Variants in ALMS1 observed in about 807,000 individuals in gnomAD.
ALMS1 encodes centrosome-associated protein ALMS1.
In ALMS1, 271 loss-of-function variants were observed where a neutral mutation model predicts 352.2. The observed-to-expected ratio is 0.77, with a 90% CI of 0.70 to 0.85. ALMS1 has a LOEUF of 0.85. ALMS1 is among the 40% of genes least tolerant of loss of function. ALMS1 has a pLI of 0.00. For missense variants in ALMS1, 5,445 were observed against 4,870.7 expected, an observed-to-expected ratio of 1.12 and a Z score of -3.51; for synonymous variants, 1,865 against 1,761.2, an observed-to-expected ratio of 1.06 and a Z score of -1.48.
intron 10 of ALMS1, among the ~76,000 whole-genome samples, chr2:73,506,869 A>T (rs13401987): frequency 1.1e-3 from 161 of 152,254 alleles, no homozygotes; most frequent in Admixed American, 2.8e-3. Context: ...TTTCAAAGGG[A>T]ATGTTTCCAG....
chr2:73,593,202 A>G (rs2104168550), intron 16 of ALMS1, among the ~76,000 whole-genome samples: 1 of 152,184 alleles, frequency 6.6e-6, no homozygotes, highest in African/African-American at 2.4e-5. Flanking sequence ...AAAAAAAAAA[A>G]AAAAAAGTTC....
In ALMS1 at chr2:73,447,978, G is replaced by A. The variant is rs374663067; in HGVS notation, c.1451G>A (p.Gly484Asp). The change falls in exon 8 of 23, where the codon GGC becomes GAC. Residue 484 changes from glycine to aspartate, a missense_variant. Gly to Asp is a moderately conservative substitution (Grantham distance 94, BLOSUM62 -1). Coordinates refer to ENST00000613296, the MANE Select transcript of ALMS1 (RefSeq NM_001378454.1). ...TCTTTAGGAGACACTTCTAAAGGAG[G>A]CATAGCTAAAGTTACTCAATCCAAC... The part of the protein sequence containing the change: ...HLKAGDTSKG[G>D]IAKVTQSNLK... The A allele has an allele frequency of 4.5e-5, 73 of 1,611,808 alleles. No individual in the cohort carries two copies. The African/African-American group carries it at 8.8e-4, about 20-fold the overall frequency.
At chr2:73,459,934 C>T (rs1280925719) in intron 9 of ALMS1, among the ~76,000 whole-genome samples, 4 of 152,032 alleles carry the variant, frequency 2.6e-5, no homozygotes, top group Middle Eastern at 3.4e-3. Flanking sequence ...TTACACGCAC[C>T]CCCCTCTCCC....
chr2:73,470,825 A>C (rs927834313), intron 9 of ALMS1: 15 of 151,748 alleles, frequency 9.9e-5, no homozygotes, highest in African/African-American at 3.6e-4. Flanking sequence ...ATATCTTCCT[A>C]ATGAATTGAC....
At chr2:73,461,448 C>A (rs1672199653) in intron 9 of ALMS1, among the ~76,000 whole-genome samples, 1 of 152,144 alleles carries the variant, frequency 6.6e-6, no homozygotes, top group Admixed American at 6.6e-5. Flanking sequence ...CACCAAAAAC[C>A]CATCTGTACG....
chr2:73,556,001 C>T (rs1297667614), intron 13 of ALMS1, among the ~76,000 whole-genome samples: 1 of 152,076 alleles, frequency 6.6e-6, no homozygotes, highest in Non-Finnish European at 1.5e-5. Flanking sequence ...ACAAAACATC[C>T]TTGATATTGA....
In ALMS1 at chr2:73,424,875, T is replaced by C; in HGVS notation, c.1210T>C (p.Ser404Pro). The part of the protein sequence containing the change: ...YGQYWTQEDS[S>P]KQAETYLTKG... ...GCAGTATTGGACACAGGAAGATTCA[T>C]CTAAGCAGGCAGAAACATATTTAAC... The change falls in exon 5 of 23, where the codon TCT becomes CCT. Residue 404 changes from serine (S) to proline (P), a missense_variant. Physicochemically the swap from Ser to Pro is moderately conservative, Grantham distance 74. Transcript: ENST00000613296. The C allele has an allele frequency of 6.2e-7, 1 of 1,604,086 alleles. No homozygotes were observed. Among genetic ancestry groups the C allele is most frequent in the Non-Finnish European group, 8.5e-7 (1 of 1,174,536 alleles).
rs1301130545 is a variant in ALMS1 at position 73,483,961 on chromosome 2, G to A, written c.7675-5673G>A. On this transcript the variant is annotated intron_variant, in intron 9 of 22. Coordinates refer to ENST00000613296, the MANE Select transcript of ALMS1 (RefSeq NM_001378454.1). ...CTCCATCCTTTTATTTTGAGCCTAT[G>A]TGTGTCTCTGCATGTGAGATGGGTT... is the stretch of plus-strand genomic sequence containing the variant. Among the ~76,000 whole-genome samples the A allele has an allele frequency of 4.0e-4, 60 of 150,622 alleles. 1 individual carries two copies. Among genetic ancestry groups the A allele is most frequent in the African/African-American group, 1.3e-3 (54 of 40,576 alleles).
In ALMS1 at chr2:73,449,163, A is replaced by G. The variant is rs1671873298; in HGVS notation, c.2636A>G (p.His879Arg). ...AFYQQTLPNS[H>R]LTEEALKVSI... is the part of the protein sequence containing the mutation. ...TATCAGCAGACCTTACCCAATAGTC[A>G]TCTAACTGAAGAGGCTCTGAAAGTA... The change falls in exon 8 of 23, where the codon CAT (histidine) becomes CGT (arginine). Residue 879 changes from histidine (H) to arginine (R), a missense_variant. Coordinates refer to ENST00000613296, the MANE Select transcript of ALMS1 (RefSeq NM_001378454.1). 3.7e-6 allele frequency: 6 copies of G among 1,614,010 alleles called. No individual in the cohort carries two copies. In the African/African-American group the frequency reaches 4.0e-5, roughly 11 times the overall value.
At chr2:73,479,308 A>G (rs569268350) in intron 9 of ALMS1, among the ~76,000 whole-genome samples, 8 of 152,300 alleles carry the variant, frequency 5.3e-5, no homozygotes, top group Admixed American at 5.2e-4. Flanking sequence ...TACAGCCAAG[A>G]TACTGAACAT....
intron 9 of ALMS1, among the ~76,000 whole-genome samples, chr2:73,486,620 C>T (rs1181217644): frequency 6.6e-6 from 1 of 152,218 alleles, no homozygotes; most frequent in Non-Finnish European, 1.5e-5. Flanking sequence ...CCAGTGATTG[C>T]ACCACAGCAT....
chr2:73,386,334 G>T (rs1018185421), intron 1 of ALMS1, 142 bp downstream of exon 1: 2 of 1,203,610 alleles, frequency 1.7e-6, no homozygotes, highest in African/African-American at 3.2e-5. Context: ...CCAGACTCCA[G>T]CCCAGGTGCC....
intron 11 of ALMS1, among the ~76,000 whole-genome samples, chr2:73,526,439 A>T (rs545557315): frequency 3.3e-5 from 5 of 152,044 alleles, no homozygotes; most frequent in African/African-American, 1.2e-4. Flanking sequence ...ATATTTTTCC[A>T]TTTTTTTGTT....
chr2:73,397,584 C>T (rs1426566621), intron 1 of ALMS1, among the ~76,000 whole-genome samples: 1 of 152,144 alleles, frequency 6.6e-6, no homozygotes, highest in Non-Finnish European at 1.5e-5. Flanking sequence ...TCTCCTGCCT[C>T]AGCCTCCTGA....
chr2:73,391,483 CG>C (rs1670644654), intron 1 of ALMS1, among the ~76,000 whole-genome samples: 1 of 151,410 alleles, frequency 6.6e-6, no homozygotes, highest in Non-Finnish European at 1.5e-5. Context: ...TTAGTAGAGA[CG>C]GGGTTTCACC....
chr2:73,512,338 C>T (rs1422776529), intron 10 of ALMS1, among the ~76,000 whole-genome samples: 1 of 151,876 alleles, frequency 6.6e-6, no homozygotes, highest in East Asian at 1.9e-4. Context: ...CCACCTTGGC[C>T]TCCCAAAGTG....
chr2:73,451,383 C>T lies in ALMS1; in HGVS notation c.4856C>T (p.Ala1619Val), dbSNP rs1085307684. 5.0e-6 allele frequency: 8 copies of T among 1,613,658 alleles called. No individual in the cohort carries two copies. Among genetic ancestry groups the T allele is most frequent in the South Asian group, 1.1e-5 (1 of 91,056 alleles). ...DIPAGPLGSSALGEKPITFYR... is the reference protein window; with the variant it reads ...DIPAGPLGSSVLGEKPITFYR... ...CCAGCAGGACCTTTAGGTTCCAGTG[C>T]ACTTGGAGAGAAGCCCATTACTTTC... is the stretch of plus-strand genomic sequence containing the variant. The change falls in exon 8 of 23, where the codon GCA (alanine) becomes GTA (valine). Residue 1619 changes from alanine to valine, a missense_variant. By Grantham distance (64) the Ala-to-Val change is moderately conservative. Transcript: ENST00000613296.
At chr2:73,607,810 A>ATTTTTTTTTTTTTT (rs537392249) in intron 21 of ALMS1, among the ~76,000 whole-genome samples, 3 of 131,486 alleles carry the variant, frequency 2.3e-5, no homozygotes, top group African/African-American at 8.4e-5. Context: ...TGCCCACCTA[A>ATTTTTTTTTTTTTT]TTTTTTTTTT....
intron 22 of ALMS1, 50 bp from the exon 23 acceptor site, chr2:73,609,518 C>T: frequency 6.3e-7 from 1 of 1,580,000 alleles, no homozygotes; most frequent in Non-Finnish European, 8.7e-7. Context: ...GCATCTGCCT[C>T]TGATGGCAGT....
Sources: gnomAD v4.1 joint callset for allele counts (sites outside exome capture counted in the v4.1 genomes callset) on GRCh38, gnomAD v4.1.1 for gene constraint, MANE v1.5 for transcripts, NCBI Gene and HGNC (gene_info 2026-07-23, HGNC 2026-07-21) for gene names.